The following FGF14 variants were observed in gnomAD, a reference collection of about 807,000 sequenced individuals.
FGF14 encodes the protein fibroblast growth factor 14.
Under a neutral mutation model 25.5 loss-of-function variants are expected in FGF14, and 5 were observed. That is an observed-to-expected ratio of 0.20 (90% confidence interval 0.10 to 0.41). FGF14 has a LOEUF of 0.41. FGF14 is among the 10% of genes least tolerant of loss of function. FGF14 has a pLI of 1.00. For missense variants in FGF14, 222 were observed against 320.1 expected (o/e 0.69, Z 2.34); for synonymous variants, 138 against 118.3 (o/e 1.17, Z -1.08).
chr13:102,326,358 C>A (rs2056422638), intron 1 of FGF14, among the ~76,000 whole-genome samples: 1 of 151,966 alleles, frequency 6.6e-6, no homozygotes, highest in African/African-American at 2.4e-5. Flanking sequence ...TATTATATAG[C>A]CTAAGTTCAA....
chr13:102,260,860 C>T (rs1025334371), intron 1 of FGF14, among the ~76,000 whole-genome samples: 17 of 152,162 alleles, frequency 1.1e-4, no homozygotes, highest in South Asian at 4.1e-4. Flanking sequence ...CTCTGAATGA[C>T]GCCTGTTATA....
chr13:102,313,566 C>A (rs894767562), intron 1 of FGF14, among the ~76,000 whole-genome samples: 14 of 151,950 alleles, frequency 9.2e-5, no homozygotes, highest in South Asian at 4.2e-4. Flanking sequence ...TTTGGGAATT[C>A]TCTCAGAAAT....
chr13:102,222,431 C>T (rs574155699), intron 1 of FGF14, among the ~76,000 whole-genome samples: 11 of 152,266 alleles, frequency 7.2e-5, no homozygotes, highest in African/African-American at 2.6e-4. Context: ...TAAAGACATG[C>T]ACTGCAGCCT....
intron 1 of FGF14, among the ~76,000 whole-genome samples, chr13:102,059,397 A>C (rs1363536710): frequency 6.6e-6 from 1 of 152,228 alleles, no homozygotes; most frequent in Non-Finnish European, 1.5e-5. Flanking sequence ...ATGTGTCTCT[A>C]AAAGGAAAAC....
chr13:102,317,614 T>C (rs951585561), intron 1 of FGF14, among the ~76,000 whole-genome samples: 1 of 152,138 alleles, frequency 6.6e-6, no homozygotes, highest in Non-Finnish European at 1.5e-5. Context: ...TTCCAAAATA[T>C]AGGACCAAAT....
At chr13:101,964,510 C>T (rs1375381920) in intron 1 of FGF14, among the ~76,000 whole-genome samples, 1 of 152,056 alleles carries the variant, frequency 6.6e-6, no homozygotes, top group Non-Finnish European at 1.5e-5. Context: ...TGCCTGACAC[C>T]CGTTTTTAGA....
At chr13:101,975,388 C>T (rs1330744377) in intron 1 of FGF14, among the ~76,000 whole-genome samples, 1 of 152,150 alleles carries the variant, frequency 6.6e-6, no homozygotes, top group Non-Finnish European at 1.5e-5. Context: ...CCACCATGAA[C>T]ACCACCTTCT....
At chr13:101,755,297 C>G (rs534133049) in intron 3 of FGF14, among the ~76,000 whole-genome samples, 1 of 152,204 alleles carries the variant, frequency 6.6e-6, no homozygotes, top group Admixed American at 6.5e-5. Context: ...TATTCTTTCC[C>G]AATTTTCTTT....
intron 1 of FGF14, among the ~76,000 whole-genome samples, chr13:101,908,424 A>G (rs982272515): frequency 6.6e-6 from 1 of 152,206 alleles, no homozygotes; most frequent in Non-Finnish European, 1.5e-5. Flanking sequence ...TAGTGTATTA[A>G]TGAATGGATA....
chr13:101,827,921 T>A (rs9518577), intron 3 of FGF14, among the ~76,000 whole-genome samples: 50,221 of 147,874 alleles, frequency 0.34, 9,058 homozygotes, highest in East Asian at 0.55. Context: ...TGTGGCTAAT[T>A]TCTAAAAAAA....
chr13:102,359,854 A>T (rs1594943464), intron 1 of FGF14, among the ~76,000 whole-genome samples: 2 of 91,040 alleles, frequency 2.2e-5, no homozygotes, highest in Admixed American at 9.7e-5. Flanking sequence ...ACTTTATGTT[A>T]AAAAAAAAAA....
At chr13:102,297,934 C>A (rs1021978569) in intron 1 of FGF14, among the ~76,000 whole-genome samples, 1 of 151,960 alleles carries the variant, frequency 6.6e-6, no homozygotes, top group Admixed American at 6.6e-5. Flanking sequence ...GGCTGGGATG[C>A]CCTCACAGAA....
intron 1 of FGF14, among the ~76,000 whole-genome samples, chr13:101,927,430 C>G (rs1027828636): frequency 6.6e-6 from 1 of 152,166 alleles, no homozygotes; most frequent in Non-Finnish European, 1.5e-5. Context: ...GTTCATTTCT[C>G]CATGAAATGG....
At chr13:102,221,231 A>ATG (rs1342155177) in intron 1 of FGF14, among the ~76,000 whole-genome samples, 2 of 152,320 alleles carry the variant, frequency 1.3e-5, no homozygotes, top group African/African-American at 4.8e-5. Context: ...TCTTATCAAA[A>ATG]GAGAACTAAA....
chr13:102,395,135 C>T (rs931000094), intron 1 of FGF14: 2 of 152,252 alleles, frequency 1.3e-5, no homozygotes, highest in African/African-American at 4.8e-5. Flanking sequence ...GAGCAAAATA[C>T]TAAGCGAGAA....
intron 1 of FGF14, among the ~76,000 whole-genome samples, chr13:101,950,603 G>T (rs2036095329): frequency 6.6e-6 from 1 of 152,158 alleles, no homozygotes; most frequent in South Asian, 2.1e-4. Context: ...GCCTCTCAAA[G>T]ATATCTGTTT....
At chr13:102,196,650 A>G (rs2049365619) in intron 1 of FGF14, among the ~76,000 whole-genome samples, 1 of 152,244 alleles carries the variant, frequency 6.6e-6, no homozygotes, top group Non-Finnish European at 1.5e-5. Context: ...CAGACTAATT[A>G]ACAAATTCAT....
intron 1 of FGF14, among the ~76,000 whole-genome samples, chr13:102,234,445 T>TA (rs1262315138): frequency 1.3e-5 from 1 of 78,036 alleles, no homozygotes; most frequent in East Asian, 4.2e-4. Flanking sequence ...CATGAAAACA[T>TA]ACACTTAAAT....
intron 1 of FGF14, among the ~76,000 whole-genome samples, chr13:101,880,704 G>A (rs146901350): frequency 1.3e-3 from 203 of 152,256 alleles, no homozygotes; most frequent in Middle Eastern, 0.01. Context: ...TTAAATTAGC[G>A]GGTTTGCATG....
Sources: gnomAD v4.1 joint callset for allele counts (sites outside exome capture counted in the v4.1 genomes callset) on GRCh38, gnomAD v4.1.1 for gene constraint, MANE v1.5 for transcripts, NCBI Gene and HGNC (gene_info 2026-07-23, HGNC 2026-07-21) for gene names.